Variants in COL24A1 observed in about 807,000 individuals in gnomAD.
COL24A1 encodes collagen type XXIV alpha 1 chain, also known as collagen alpha-1(XXIV) chain.
COL24A1 carries 224 observed loss-of-function variants against 253.9 expected under a neutral mutation model. The observed-to-expected ratio is 0.88, with a 90% CI of 0.79 to 0.99. The LOEUF (loss-of-function observed/expected upper bound fraction) is 0.99, where lower values mean the gene tolerates loss of function less well. Ranked by LOEUF, COL24A1 falls within the 50% of genes least tolerant of loss-of-function variation. COL24A1 has a pLI of 0.00. For missense variants in COL24A1, 2,131 were observed against 2,068.5 expected (o/e 1.03, Z -0.59); for synonymous variants, 685 against 673.7 (o/e 1.02, Z -0.26).
At chr1:85,971,500 TC>T in intron 20 of COL24A1, 107 bp from the exon 21 acceptor site, 1 of 952,830 alleles carries the variant, frequency 1.0e-6, no homozygotes, top group Non-Finnish European at 1.6e-6. Flanking sequence ...ACCATTCATT[TC>T]CCATTAAGAA....
intron 8 of COL24A1, among the ~76,000 whole-genome samples, chr1:86,059,416 G>A (rs954897330): frequency 7.2e-5 from 11 of 151,996 alleles, no homozygotes; most frequent in Non-Finnish European, 1.6e-4. Context: ...ATCTAGGATG[G>A]AAAAATCCAT....
At chr1:86,131,603 C>T (rs1231549845) in intron 2 of COL24A1, among the ~76,000 whole-genome samples, 2 of 148,936 alleles carry the variant, frequency 1.3e-5, no homozygotes, top group African/African-American at 2.5e-5. Context: ...TGAGTGAGAA[C>T]ATGCAGTGTT....
At chr1:86,127,934 A>G (rs575995764) in intron 2 of COL24A1, among the ~76,000 whole-genome samples, 1 of 152,158 alleles carries the variant, frequency 6.6e-6, no homozygotes, top group South Asian at 2.1e-4. Context: ...GTTTTATTTT[A>G]AGGTTAGAAC....
intron 2 of COL24A1, among the ~76,000 whole-genome samples, chr1:86,126,634 G>T (rs1390158409): frequency 6.6e-6 from 1 of 151,838 alleles, no homozygotes; most frequent in East Asian, 1.9e-4. Flanking sequence ...CATCATACCT[G>T]GCTAATTTTT....
At chr1:85,886,490 C>T (rs183741274) in intron 32 of COL24A1, among the ~76,000 whole-genome samples, 12 of 151,764 alleles carry the variant, frequency 7.9e-5, no homozygotes, top group Non-Finnish European at 1.2e-4. Context: ...ACGGTGAAAT[C>T]CTGTCTCTAC....
chr1:85,968,932 A>C (rs1691839162), intron 22 of COL24A1, among the ~76,000 whole-genome samples: 1 of 152,212 alleles, frequency 6.6e-6, no homozygotes, highest in Non-Finnish European at 1.5e-5. Flanking sequence ...TGAACATCTA[A>C]TACTAAAATC....
chr1:85,817,305 T>A (rs1448434173), intron 46 of COL24A1, among the ~76,000 whole-genome samples: 2 of 152,226 alleles, frequency 1.3e-5, no homozygotes, highest in Non-Finnish European at 2.9e-5. Flanking sequence ...AAATAAATTA[T>A]GGCTATTCAG....
chr1:85,891,841 C>G (rs1368946058), intron 31 of COL24A1, among the ~76,000 whole-genome samples: 2 of 152,090 alleles, frequency 1.3e-5, no homozygotes, highest in Non-Finnish European at 2.9e-5. Flanking sequence ...TTTTGCAAAG[C>G]TACGAAATAA....
At chr1:85,971,493 A>G (rs1340357511) in intron 20 of COL24A1, 100 bp from the exon 21 acceptor site, 6 of 993,578 alleles carry the variant, frequency 6.0e-6, no homozygotes, top group Admixed American at 5.4e-5. Flanking sequence ...CTTTGAAACC[A>G]TTCATTTCCC....
intron 57 of COL24A1, 54 bp downstream of exon 57, chr1:85,744,612 C>A: frequency 1.4e-6 from 2 of 1,446,744 alleles, no homozygotes; most frequent in Admixed American, 1.9e-5. Flanking sequence ...CTCAAACACA[C>A]TGAAATGATG....
At chr1:85,964,218 G>A (rs1691346181) in intron 23 of COL24A1, among the ~76,000 whole-genome samples, 1 of 152,034 alleles carries the variant, frequency 6.6e-6, no homozygotes, top group South Asian at 2.1e-4. Flanking sequence ...ATTCTTATAA[G>A]CTAGTTTCTT....
At position 86,112,583 on chromosome 1, in the gene COL24A1, C is replaced by A; in HGVS notation, c.1583G>T (p.Gly528Val). Residue 528 changes from glycine to valine, a missense_variant, in exon 5 of 60, where the codon GGA (glycine) becomes GTA (valine). Gly to Val is a moderately radical substitution (Grantham distance 109). Coordinates refer to ENST00000370571, the MANE Select transcript of COL24A1 (RefSeq NM_152890.7). Reference protein sequence around the residue: ...PGPHGNPGLPGLPGPKGPKGD... With the variant: ...PGPHGNPGLPVLPGPKGPKGD... ...GTCACTTACCTTTGGACCAGGTAAT[C>A]CAGGTAAACCAGGATTTCCATGTGG... 1.2e-6 allele frequency: 2 copies of A among 1,613,082 alleles called. No individual in the cohort carries two copies. Among genetic ancestry groups the A allele is most frequent in the South Asian group, 1.1e-5 (1 of 90,846 alleles).
intron 13 of COL24A1, 93 bp from the exon 14 acceptor site, chr1:86,032,015 A>G: frequency 1.0e-6 from 1 of 952,426 alleles, no homozygotes; most frequent in South Asian, 1.6e-5. Flanking sequence ...CTAGCTAAGA[A>G]TACATCAAAA....
intron 2 of COL24A1, among the ~76,000 whole-genome samples, chr1:86,133,986 T>TC (rs1649768056): frequency 6.8e-6 from 1 of 148,074 alleles, no homozygotes; most frequent in African/African-American, 2.5e-5. Context: ...CCTGGACTTT[T>TC]TTTTGGTTGC....
intron 19 of COL24A1, among the ~76,000 whole-genome samples, chr1:85,993,469 G>A (rs1694490831): frequency 6.6e-6 from 1 of 151,182 alleles, no homozygotes; most frequent in Non-Finnish European, 1.5e-5. Flanking sequence ...CATACTATGT[G>A]AGTCAGTTTA....
chr1:85,947,429 C>T (rs72712765), intron 24 of COL24A1, among the ~76,000 whole-genome samples: 1 of 152,056 alleles, frequency 6.6e-6, no homozygotes, highest in Non-Finnish European at 1.5e-5. Context: ...AACTAAATTG[C>T]CTTATTCGGA....
chr1:85,992,016 C>T (rs989079922), intron 19 of COL24A1, among the ~76,000 whole-genome samples: 18 of 151,804 alleles, frequency 1.2e-4, no homozygotes, highest in African/African-American at 4.4e-4. Context: ...TGGTGTGCTG[C>T]ACCCATTAAC....
intron 5 of COL24A1, among the ~76,000 whole-genome samples, chr1:86,102,059 T>C (rs1046199172): frequency 6.9e-6 from 1 of 145,566 alleles, no homozygotes; most frequent in Non-Finnish European, 1.5e-5. Flanking sequence ...ACTGATTCCA[T>C]TTTGGTGCTC....
intron 39 of COL24A1, among the ~76,000 whole-genome samples, chr1:85,843,402 C>T (rs1457326822): frequency 1.3e-5 from 2 of 152,056 alleles, no homozygotes; most frequent in Non-Finnish European, 2.9e-5. Flanking sequence ...GGTGAATAAT[C>T]TAGAATAGAA....
Sources: allele counts gnomAD v4.1 joint callset (sites outside exome capture counted in the v4.1 genomes callset), GRCh38; gene constraint gnomAD v4.1.1; transcripts MANE v1.5; gene names NCBI Gene and HGNC (gene_info 2026-07-23, HGNC 2026-07-21).